The following MAPT variants were observed in gnomAD, a reference collection of about 807,000 sequenced individuals.
MAPT encodes the protein microtubule associated protein tau.
Under a neutral mutation model 67.9 loss-of-function variants are expected in MAPT, and 34 were observed. The observed-to-expected ratio is 0.50, with a 90% CI of 0.38 to 0.67. The LOEUF (loss-of-function observed/expected upper bound fraction) is 0.67. Ranked by LOEUF, MAPT falls within the 30% of genes least tolerant of loss-of-function variation. MAPT has a pLI of 0.00. For synonymous variants in MAPT, 456 were observed against 464.5 expected (o/e 0.98, Z 0.23); for missense variants, 881 against 1,115.2 (o/e 0.79, Z 2.99).
At chr17:45,929,439 A>T (rs915634111) in intron 1 of MAPT, among the ~76,000 whole-genome samples, 3 of 152,236 alleles carry the variant, frequency 2.0e-5, no homozygotes, top group African/African-American at 7.2e-5. Context: ...TTGGTTCCCA[A>T]ATTTGAAAAA....
At chr17:46,023,734 G>A (rs1260487714) in intron 12 of MAPT, among the ~76,000 whole-genome samples, 2 of 152,210 alleles carry the variant, frequency 1.3e-5, no homozygotes, top group East Asian at 1.9e-4. Flanking sequence ...CCAGCTACTC[G>A]GGAGGCTGAG....
rs372283535 is a variant in MAPT at position 45,900,360 on chromosome 17, C to T, written c.-18+5674C>T. 1.2e-4 allele frequency among the ~76,000 whole-genome samples: 18 copies of T among 152,030 alleles called. No individual in the cohort carries two copies. The East Asian group carries it at 1.9e-3, about 16-fold the overall frequency. On this transcript the variant is annotated intron_variant, in intron 1 of 12. Transcript: ENST00000262410. Reference sequence around the variant, plus strand: ...CCCTGCCTGCCCAGATGGCTCCCAACTGAGTGTGAGGAGGAATTTGAGACA... The same window carrying T: ...CCCTGCCTGCCCAGATGGCTCCCAATTGAGTGTGAGGAGGAATTTGAGACA...
At chr17:45,990,183 T>A in intron 7 of MAPT, 108 bp downstream of exon 7, 1 of 989,340 alleles carries the variant, frequency 1.0e-6, no homozygotes, top group Non-Finnish European at 1.6e-6. Context: ...AAATGAGTTC[T>A]GGCATAGAAG....
At chr17:45,912,120 C>T (rs1162004202) in intron 1 of MAPT, among the ~76,000 whole-genome samples, 1 of 151,084 alleles carries the variant, frequency 6.6e-6, no homozygotes. Context: ...AGGAAAATCA[C>T]TTAAATCCTT....
intron 3 of MAPT, chr17:45,974,724 AGTCAGCGC>A (rs2072135896): frequency 5.7e-6 from 3 of 525,256 alleles, no homozygotes; most frequent in Non-Finnish European, 1.0e-5. Context: ...ATCTTGCCTC[AGTCAGCGC>A]GTCAGTTCCA....
chr17:45,954,856 C>A (rs578241572), intron 1 of MAPT, among the ~76,000 whole-genome samples: 1 of 151,526 alleles, frequency 6.6e-6, no homozygotes, highest in East Asian at 1.9e-4. Flanking sequence ...CAGTGGCGGG[C>A]GCCTGTAGTC....
intron 1 of MAPT, among the ~76,000 whole-genome samples, chr17:45,935,106 G>A (rs2067204327): frequency 6.6e-6 from 1 of 152,140 alleles, no homozygotes; most frequent in Non-Finnish European, 1.5e-5. Context: ...ATGAGAATTT[G>A]AAAATCGACC....
At chr17:45,956,617 T>A (rs954646306) in intron 1 of MAPT, among the ~76,000 whole-genome samples, 1 of 140,086 alleles carries the variant, frequency 7.1e-6, no homozygotes, top group African/African-American at 2.6e-5. Context: ...ATTATTATAC[T>A]TTAAGTTCTA....
At chr17:46,002,206 G>A (rs939301656) in intron 9 of MAPT, among the ~76,000 whole-genome samples, 3 of 152,196 alleles carry the variant, frequency 2.0e-5, no homozygotes, top group Non-Finnish European at 4.4e-5. Flanking sequence ...GTGGACGGTG[G>A]CCCTGAAGAG....
chr17:45,947,383 CTTT>C (rs374326954), intron 1 of MAPT, among the ~76,000 whole-genome samples: 19 of 138,428 alleles, frequency 1.4e-4, no homozygotes, highest in Admixed American at 2.2e-4. Context: ...CTTTCTTTTT[CTTT>C]TTTTTTTTTT....
intron 1 of MAPT, among the ~76,000 whole-genome samples, chr17:45,924,509 C>A (rs1279905865): frequency 6.6e-6 from 1 of 152,178 alleles, no homozygotes; most frequent in Non-Finnish European, 1.5e-5. Flanking sequence ...GAAAACAGTG[C>A]CAAAAGTATG....
chr17:45,913,783 C>A (rs1335264629), intron 1 of MAPT, among the ~76,000 whole-genome samples: 2 of 152,242 alleles, frequency 1.3e-5, no homozygotes. Context: ...ACAAAGAGGG[C>A]TGCTCCCATG....
chr17:45,982,841 T>A, intron 4 of MAPT, 25 bp from the exon 5 acceptor site: 1 of 1,239,290 alleles, frequency 8.1e-7, no homozygotes, highest in African/African-American at 1.5e-5. Flanking sequence ...GCTAACCTTT[T>A]GCTATCGCTG....
At chr17:45,960,777 AC>A (rs1380162620) in intron 1 of MAPT, among the ~76,000 whole-genome samples, 1 of 147,608 alleles carries the variant, frequency 6.8e-6, no homozygotes, top group Non-Finnish European at 1.5e-5. Context: ...ACATAGTGAG[AC>A]CCCCGTCCCC....
At chr17:45,898,049 A>C (rs62056789) in intron 1 of MAPT, 21,819 of 152,266 alleles carry the variant, frequency 0.14, 2,127 homozygotes, top group Middle Eastern at 0.22. Flanking sequence ...TCCTCCCTCT[A>C]CGTAAACAAA....
chr17:45,922,082 C>T (rs536712857), intron 1 of MAPT, among the ~76,000 whole-genome samples: 1 of 151,852 alleles, frequency 6.6e-6, no homozygotes, highest in South Asian at 2.1e-4. Context: ...TGCCGTGGAG[C>T]GATCACTGCA....
chr17:45,976,881 C>A (rs953366129), intron 3 of MAPT: 2 of 152,322 alleles, frequency 1.3e-5, no homozygotes, highest in Admixed American at 6.5e-5. Context: ...GAGGAAGCCT[C>A]CTCACACCCT....
chr17:45,902,592 AG>A (rs2063693752), intron 1 of MAPT, among the ~76,000 whole-genome samples: 1 of 152,170 alleles, frequency 6.6e-6, no homozygotes, highest in Non-Finnish European at 1.5e-5. Flanking sequence ...CTTATAAATT[AG>A]TAAAAGGTGG....
intron 5 of MAPT, among the ~76,000 whole-genome samples, chr17:45,984,170 C>T (rs1458695615): frequency 6.6e-6 from 1 of 152,246 alleles, no homozygotes; most frequent in African/African-American, 2.4e-5. Flanking sequence ...AGCACCCCCG[C>T]TCCGTGCTAC....
Sources: gnomAD v4.1 joint callset for allele counts (sites outside exome capture counted in the v4.1 genomes callset) on GRCh38, gnomAD v4.1.1 for gene constraint, MANE v1.5 for transcripts, NCBI Gene and HGNC (gene_info 2026-07-23, HGNC 2026-07-21) for gene names.